Variants in UBE2W observed in about 807,000 individuals in gnomAD.
UBE2W encodes the protein ubiquitin-conjugating enzyme E2 W.
UBE2W carries 18 observed loss-of-function variants against 27.2 expected under a neutral mutation model. The observed-to-expected ratio is 0.66, with a 90% CI of 0.46 to 0.98. UBE2W has a LOEUF of 0.98. UBE2W is among the 50% of genes least tolerant of loss of function. The pLI is 0.00. For synonymous variants in UBE2W, 53 were observed against 57.2 expected (o/e 0.93, Z 0.33); for missense variants, 90 against 180.2 (o/e 0.50, Z 2.87).
At chr8:73,831,235 G>C (rs1810051894) in intron 1 of UBE2W, 4 of 341,302 alleles carry the variant, frequency 1.2e-5, no homozygotes, top group Non-Finnish European at 1.7e-5. Flanking sequence ...GGCATGAAAA[G>C]ATTAAGGAAA....
chr8:73,810,183 G>A (rs7834451), intron 4 of UBE2W, among the ~76,000 whole-genome samples: 19,951 of 152,062 alleles, frequency 0.13, 1,490 homozygotes, highest in African/African-American at 0.19. Context: ...ACTTTTACCT[G>A]TGCATGCTTT....
chr8:73,866,282 A>ATATATAT (rs1811756629), intron 1 of UBE2W, among the ~76,000 whole-genome samples: 2 of 100,392 alleles, frequency 2.0e-5, no homozygotes. Context: ...AAAAAAAAAA[A>ATATATAT]AAAAAAAAAT....
intron 5 of UBE2W, chr8:73,796,620 C>T (rs755842766): frequency 9.1e-6 from 9 of 983,650 alleles, no homozygotes; most frequent in Non-Finnish European, 1.1e-5. Context: ...TGAATACCCT[C>T]GTTTTGAAGA....
At chr8:73,867,477 G>A (rs1157394792) in intron 1 of UBE2W, among the ~76,000 whole-genome samples, 1 of 152,188 alleles carries the variant, frequency 6.6e-6, no homozygotes, top group Non-Finnish European at 1.5e-5. Flanking sequence ...AGAAGTTGCA[G>A]TGAGCCGAGA....
chr8:73,804,290 A>C (rs1268787790), intron 5 of UBE2W, among the ~76,000 whole-genome samples: 1 of 151,706 alleles, frequency 6.6e-6, no homozygotes, highest in East Asian at 1.9e-4. Flanking sequence ...AAAAAAAAAA[A>C]AAACCCACAC....
chr8:73,824,823 T>C (rs376018921), intron 3 of UBE2W, among the ~76,000 whole-genome samples: 2 of 152,288 alleles, frequency 1.3e-5, no homozygotes, highest in East Asian at 3.9e-4. Context: ...GTGGCCCGAC[T>C]CCTAACAGGC....
chr8:73,861,340 A>G (rs1490682003), intron 1 of UBE2W, among the ~76,000 whole-genome samples: 1 of 152,196 alleles, frequency 6.6e-6, no homozygotes, highest in Non-Finnish European at 1.5e-5. Flanking sequence ...AATGAGAGAT[A>G]CAAGGACTAG....
intron 1 of UBE2W, among the ~76,000 whole-genome samples, chr8:73,873,428 G>A (rs1812088515): frequency 6.6e-6 from 1 of 152,120 alleles, no homozygotes; most frequent in Non-Finnish European, 1.5e-5. Flanking sequence ...GGAGGCCAAG[G>A]TGGGCCGATG....
At chr8:73,874,287 C>T (rs113470966) in intron 1 of UBE2W, among the ~76,000 whole-genome samples, 9,034 of 152,068 alleles carry the variant, frequency 0.059, 877 homozygotes, top group African/African-American at 0.2. Flanking sequence ...AAAAATAAGC[C>T]GGGCGAGGTG....
intron 5 of UBE2W, among the ~76,000 whole-genome samples, chr8:73,797,070 C>G (rs1426375567): frequency 6.6e-6 from 1 of 152,024 alleles, no homozygotes; most frequent in Non-Finnish European, 1.5e-5. Context: ...AATTCAGAAG[C>G]CTCTACTAAA....
rs1352537974 is a variant in UBE2W, at chr8:73,790,973, T to C, written c.*3129A>G. 9 of 980,654 alleles carry C rather than the reference T, an allele frequency of 9.2e-6. No homozygotes were observed. Among genetic ancestry groups the C allele is most frequent in the African/African-American group, 1.8e-5 (1 of 57,112 alleles). The allele number at this position is 980,654 out of a possible 1,614,324, so 60.7% of individuals were successfully genotyped here. A position where few individuals can be genotyped will look rare whatever the true frequency, so the allele number is the denominator to read the frequency against. On this transcript the variant is annotated 3_prime_UTR_variant, in exon 6 of 6. Coordinates refer to ENST00000602593, the MANE Select transcript of UBE2W (RefSeq NM_018299.6). ...TGAGGGAAAAGGTAATAAACTATTC[T>C]AGTTATTTTATACCAAATATTGATA...
At chr8:73,841,217 A>G (rs1162741151) in intron 1 of UBE2W, among the ~76,000 whole-genome samples, 1 of 152,188 alleles carries the variant, frequency 6.6e-6, no homozygotes, top group Admixed American at 6.6e-5. Context: ...CCCTAACAAC[A>G]TTAAGAAACA....
At chr8:73,878,366 G>C (rs73323813) in intron 1 of UBE2W, among the ~76,000 whole-genome samples, 5,167 of 152,242 alleles carry the variant, frequency 0.034, 259 homozygotes, top group African/African-American at 0.11. Flanking sequence ...ACGCATTCTC[G>C]GCTCCCGCAC....
intron 1 of UBE2W, 69 bp downstream of exon 1, chr8:73,878,738 AC>A: frequency 1.4e-6 from 2 of 1,383,296 alleles, no homozygotes; most frequent in African/African-American, 1.5e-5. Context: ...CGCGGACGCC[AC>A]CCCCGCCCGA....
chr8:73,836,191 A>T (rs1333588627), intron 1 of UBE2W, among the ~76,000 whole-genome samples: 8 of 152,210 alleles, frequency 5.3e-5, no homozygotes, highest in Admixed American at 3.9e-4. Flanking sequence ...AATCTAAGAC[A>T]TTCACTGGAC....
At chr8:73,875,156 T>C (rs1243571042) in intron 1 of UBE2W, among the ~76,000 whole-genome samples, 2 of 152,218 alleles carry the variant, frequency 1.3e-5, no homozygotes, top group East Asian at 3.8e-4. Flanking sequence ...GAGTAAAGAA[T>C]GTCTCAAAGG....
intron 1 of UBE2W, among the ~76,000 whole-genome samples, chr8:73,864,750 T>TGGGGG (rs71269956): frequency 2.8e-4 from 25 of 88,546 alleles, no homozygotes; most frequent in African/African-American, 1.2e-3. Flanking sequence ...CAAATTTTTT[T>TGGGGG]GGGGGGGGGG....
At chr8:73,872,992 G>A (rs940551423) in intron 1 of UBE2W, among the ~76,000 whole-genome samples, 2 of 149,112 alleles carry the variant, frequency 1.3e-5, no homozygotes, top group East Asian at 2.0e-4. Context: ...AGGCGCCTCC[G>A]CCTCCTGGGC....
chr8:73,804,921 C>T (rs1412413643), intron 5 of UBE2W, among the ~76,000 whole-genome samples: 2 of 151,770 alleles, frequency 1.3e-5, no homozygotes, highest in African/African-American at 4.8e-5. Context: ...CGAAGTTTCA[C>T]CATGTTGACC....
Sources: allele counts gnomAD v4.1 joint callset (sites outside exome capture counted in the v4.1 genomes callset), GRCh38; gene constraint gnomAD v4.1.1; transcripts MANE v1.5; gene names NCBI Gene and HGNC (gene_info 2026-07-23, HGNC 2026-07-21).